Variants in MAJIN observed in about 807,000 individuals in gnomAD.
The protein encoded by MAJIN is membrane anchored junction protein.
Under a neutral mutation model 30.2 loss-of-function variants are expected in MAJIN, and 27 were observed. The observed-to-expected ratio is 0.89, with a 90% confidence interval of 0.66 to 1.23. The LOEUF is 1.23. MAJIN is among the 50% of genes most tolerant of loss of function. The pLI is 0.00. For missense variants in MAJIN, 253 were observed against 260.3 expected (o/e 0.97, Z 0.19); for synonymous variants, 78 against 91.6 (o/e 0.85, Z 0.85).
Position 64,939,724 on chromosome 11 carries a change from G to A in MAJIN, c.590C>T (p.Pro197Leu). Reference sequence around the variant, plus strand: ...TAGGTGGAGGTGAGTTGTGCTGCAGGGGTGGGACAATTCGCCCTGGCAGGC... The same window carrying A: ...TAGGTGGAGGTGAGTTGTGCTGCAGAGGTGGGACAATTCGCCCTGGCAGGC... ...DTACQGELSH[P>L]CSTTHLHLRS... Residue 197 changes from proline to leucine, a missense_variant, in exon 10 of 11, where the codon CCC (proline) becomes CTC (leucine). Physicochemically the swap from Pro to Leu is moderately conservative, Grantham distance 98. Transcript: ENST00000301896. The A allele has an allele frequency of 6.2e-6, 10 of 1,614,076 alleles. No individual in the cohort carries two copies. Among genetic ancestry groups the A allele is most frequent in the East Asian group, 2.2e-5 (1 of 44,876 alleles).
intron 3 of MAJIN, among the ~76,000 whole-genome samples, chr11:64,958,872 A>C (rs1041132089): frequency 6.6e-6 from 1 of 151,944 alleles, no homozygotes; most frequent in African/African-American, 2.4e-5. Context: ...TGATCCATCC[A>C]CCTTGGCCTC....
intron 8 of MAJIN, among the ~76,000 whole-genome samples, chr11:64,943,104 C>T (rs182818804): frequency 1.2e-4 from 18 of 152,298 alleles, no homozygotes; most frequent in Admixed American, 9.8e-4. Flanking sequence ...CTGGGACCTC[C>T]ATCAGAACAT....
At chr11:64,971,232 A>C (rs1215089204) in intron 1 of MAJIN, among the ~76,000 whole-genome samples, 5 of 152,070 alleles carry the variant, frequency 3.3e-5, no homozygotes, top group African/African-American at 7.2e-5. Flanking sequence ...GTTCAAGACC[A>C]GCCTGGCCAA....
Position 64,954,797 on chromosome 11 carries a change from TCTC to T in MAJIN, c.104_106del (p.Gly35del), listed in dbSNP as rs769795905. The T allele has an allele frequency of 2.5e-6, 4 of 1,611,672 alleles. No homozygotes were observed. Among genetic ancestry groups the T allele is most frequent in the Middle Eastern group, 1.7e-4 (1 of 6,050 alleles). On this transcript the variant is annotated inframe_deletion and splice_region_variant, in exon 4 of 11. Coordinates refer to ENST00000301896, the MANE Select transcript of MAJIN (RefSeq NM_001037225.3). ...GATGACTTCCTTATTTTCTATCTCT[TCTC>T]CTCTAGAAGGTAAACAGACAAGAGA...
intron 4 of MAJIN, among the ~76,000 whole-genome samples, chr11:64,950,882 C>T (rs553687027): frequency 1.3e-5 from 2 of 152,246 alleles, no homozygotes; most frequent in South Asian, 2.1e-4. Context: ...GCACCCAGCC[C>T]GCTTCTCCAT....
rs1249672522 is a variant in MAJIN, at chr11:64,938,638, C to A, written c.*2-65G>T. The A allele has an allele frequency of 1.1e-5, 16 of 1,494,528 alleles. No homozygotes were observed. In the East Asian group the frequency reaches 3.7e-4, roughly 34 times the overall value. 92.6% of individuals were successfully genotyped at this position (1,494,528 alleles called of 1,614,324 possible). On this transcript the variant is annotated intron_variant, in intron 10 of 10. Transcript: ENST00000301896. ...GTCTCCTTCCCTTCTCCCCATTTCC[C>A]ATTAGTGCTTCACTAGCTAGGGCAT...
intron 4 of MAJIN, among the ~76,000 whole-genome samples, chr11:64,953,575 G>A (rs755090472): frequency 2.0e-5 from 3 of 152,130 alleles, no homozygotes; most frequent in Non-Finnish European, 2.9e-5. Context: ...GGTGGATCAC[G>A]AGGTCAAGAG....
At chr11:64,971,222 G>A (rs1407761653) in intron 1 of MAJIN, among the ~76,000 whole-genome samples, 1 of 152,106 alleles carries the variant, frequency 6.6e-6, no homozygotes, top group African/African-American at 2.4e-5. Context: ...GAGGTCAGGA[G>A]TTCAAGACCA....
At chr11:64,969,629 G>A (rs1353888123) in intron 1 of MAJIN, among the ~76,000 whole-genome samples, 10 of 152,036 alleles carry the variant, frequency 6.6e-5, no homozygotes, top group Non-Finnish European at 1.2e-4. Context: ...TGATAAAAGT[G>A]AAGATGACAA....
chr11:64,948,634 TATATA>T (rs1480370947), intron 6 of MAJIN, among the ~76,000 whole-genome samples: 16 of 47,202 alleles, frequency 3.4e-4, no homozygotes, highest in African/African-American at 7.3e-4. Context: ...TATATATATA[TATATA>T]TTTTTTTTTT....
chr11:64,953,833 T>A (rs1185401286), intron 4 of MAJIN, among the ~76,000 whole-genome samples: 1 of 152,162 alleles, frequency 6.6e-6, no homozygotes, highest in Non-Finnish European at 1.5e-5. Flanking sequence ...GTAGAACATT[T>A]TCTTGGTCCT....
Position 64,954,782 on chromosome 11 carries a change from T to C in MAJIN, c.122A>G (p.Lys41Arg). The C allele has an allele frequency of 1.9e-6, 3 of 1,612,894 alleles. No homozygotes were observed. The highest frequency in any genetic ancestry group is 2.5e-6 in the Non-Finnish European group (3 of 1,179,542). ...KSIRGEEIEN[K>R]EVITQELEDS... The stretch of plus-strand genomic sequence containing the variant: ...CTCCAGCTCCTGGGTGATGACTTCC[T>C]TATTTTCTATCTCTTCTCCTCTAGA... Residue 41 changes from lysine (K) to arginine (R), a missense_variant, in exon 4 of 11, where the codon AAG (lysine) becomes AGG (arginine). Lys to Arg is a conservative substitution (Grantham distance 26, BLOSUM62 2). Transcript: ENST00000301896.
At chr11:64,939,840 C>G in intron 9 of MAJIN, 73 bp from the exon 10 acceptor site, 1 of 1,361,194 alleles carries the variant, frequency 7.3e-7, no homozygotes, top group South Asian at 1.2e-5. Flanking sequence ...GAAGGCCAAA[C>G]ACCCAGTATG....
chr11:64,960,360 TCTTA>T (rs1945703454), intron 1 of MAJIN, among the ~76,000 whole-genome samples: 1 of 152,198 alleles, frequency 6.6e-6, no homozygotes, highest in Admixed American at 6.5e-5. Context: ...GCCTTGGTTT[TCTTA>T]CTTACACAAT....
chr11:64,946,574 GA>G (rs1163488015), intron 8 of MAJIN, among the ~76,000 whole-genome samples: 1 of 152,036 alleles, frequency 6.6e-6, no homozygotes, highest in Non-Finnish European at 1.5e-5. Flanking sequence ...TGTGCATCTG[GA>G]GAGCATGGGG....
intron 1 of MAJIN, among the ~76,000 whole-genome samples, chr11:64,960,351 C>G (rs567143381): frequency 3.9e-5 from 6 of 152,202 alleles, no homozygotes; most frequent in African/African-American, 1.2e-4. Flanking sequence ...AATTTCTGAG[C>G]CTTGGTTTTC....
intron 6 of MAJIN, among the ~76,000 whole-genome samples, chr11:64,948,856 G>A (rs1238948793): frequency 6.8e-6 from 1 of 146,576 alleles, no homozygotes; most frequent in Non-Finnish European, 1.5e-5. Flanking sequence ...GTTTCACCAC[G>A]TTGGTCAGGC....
chr11:64,967,882 C>T (rs1480344323), intron 1 of MAJIN, among the ~76,000 whole-genome samples: 1 of 152,080 alleles, frequency 6.6e-6, no homozygotes, highest in East Asian at 1.9e-4. Context: ...AATTGAGGTA[C>T]TCTAAATAGC....
At chr11:64,950,778 C>T (rs1280083717) in intron 4 of MAJIN, among the ~76,000 whole-genome samples, 1 of 152,002 alleles carries the variant, frequency 6.6e-6, no homozygotes, top group East Asian at 1.9e-4. Context: ...GATGTGGTTT[C>T]ACCATGTTGC....
Sources: gnomAD v4.1 joint callset for allele counts (sites outside exome capture counted in the v4.1 genomes callset) on GRCh38, gnomAD v4.1.1 for gene constraint, MANE v1.5 for transcripts, NCBI Gene and HGNC (gene_info 2026-07-23, HGNC 2026-07-21) for gene names.